CPT1A: variants seen among roughly 807,000 people sequenced by gnomAD.
CPT1A encodes the protein carnitine O-palmitoyltransferase 1, liver isoform.
A neutral mutation model predicts 100.8 loss-of-function variants in CPT1A; 64 were observed. The observed-to-expected ratio is 0.63, with a 90% CI of 0.52 to 0.78. The LOEUF (loss-of-function observed/expected upper bound fraction) is 0.78, where lower values mean the gene tolerates loss of function less well. CPT1A is among the 30% of genes least tolerant of loss of function. The pLI is 0.00. For synonymous variants in CPT1A, 363 were observed against 396.0 expected (o/e 0.92, Z 0.99); for missense variants, 802 against 1,034.1 (o/e 0.78, Z 3.08).
At chr11:68,836,229 G>T (rs768388058) in intron 1 of CPT1A, among the ~76,000 whole-genome samples, 1 of 151,808 alleles carries the variant, frequency 6.6e-6, no homozygotes, top group Non-Finnish European at 1.5e-5. Context: ...GAATCCCAAC[G>T]CTTTGCAAGG....
intron 1 of CPT1A, among the ~76,000 whole-genome samples, chr11:68,833,086 C>T (rs1267662613): frequency 6.6e-6 from 1 of 152,214 alleles, no homozygotes; most frequent in Admixed American, 6.5e-5. Flanking sequence ...CCGGGACTGG[C>T]TCCAGCTCGG....
rs1393155165 is a variant in CPT1A, at chr11:68,780,758, C to A, written c.1353-13G>T. The A allele has an allele frequency of 1.1e-5, 18 of 1,609,718 alleles. No individual in the cohort carries two copies. The highest frequency in any genetic ancestry group is 1.3e-5 in the Non-Finnish European group (15 of 1,175,948). On this transcript the variant is annotated splice_polypyrimidine_tract_variant and intron_variant, in intron 11 of 18. Coordinates refer to ENST00000265641, the MANE Select transcript of CPT1A (RefSeq NM_001876.4). Reference sequence around the variant, plus strand: ...CTTGTCAAACCACCTACGTGAAACACACATGTGTGGAACTTAAGTGTTTAA... The same window carrying A: ...CTTGTCAAACCACCTACGTGAAACAAACATGTGTGGAACTTAAGTGTTTAA...
chr11:68,776,151 C>T (rs1855133010), intron 12 of CPT1A, among the ~76,000 whole-genome samples: 1 of 152,244 alleles, frequency 6.6e-6, no homozygotes. Flanking sequence ...GTAATCCCAG[C>T]ACTTTGGGAG....
intron 4 of CPT1A, among the ~76,000 whole-genome samples, chr11:68,806,354 C>T (rs943011229): frequency 4.0e-5 from 6 of 151,866 alleles, no homozygotes; most frequent in South Asian, 2.1e-4. Context: ...AAATTGAGAC[C>T]GGGTGTGATG....
intron 7 of CPT1A, among the ~76,000 whole-genome samples, chr11:68,795,373 T>G (rs1855728523): frequency 6.6e-6 from 1 of 152,198 alleles, no homozygotes; most frequent in Non-Finnish European, 1.5e-5. Context: ...CTAACCTACA[T>G]TTTGGAAGAG....
At chr11:68,820,015 CGTTT>C (rs36030703) in intron 1 of CPT1A, among the ~76,000 whole-genome samples, 132,436 of 150,280 alleles carry the variant, frequency 0.88, 59,696 homozygotes, top group Non-Finnish European at 0.98. Flanking sequence ...ACAGTTTGCA[CGTTT>C]GTTTGTTTGT....
chr11:68,780,828 G>T, intron 11 of CPT1A, 83 bp from the exon 12 acceptor site: 1 of 1,002,264 alleles, frequency 1.0e-6, no homozygotes, highest in Non-Finnish European at 1.6e-6. Flanking sequence ...CTTCATCCTG[G>T]ATGGACTAAT....
At chr11:68,816,903 GGT>G (rs1566378837) in intron 1 of CPT1A, among the ~76,000 whole-genome samples, 9 of 62,636 alleles carry the variant, frequency 1.4e-4, no homozygotes, top group South Asian at 1.5e-3. Context: ...GGTGTGTGTG[GGT>G]GTGTGTGTGG....
At chr11:68,792,489 C>A (rs1487626996) in intron 9 of CPT1A, among the ~76,000 whole-genome samples, 1 of 152,242 alleles carries the variant, frequency 6.6e-6, no homozygotes, top group Non-Finnish European at 1.5e-5. Flanking sequence ...CATCCACAGG[C>A]ACCTGGGGAA....
At position 68,757,401 on chromosome 11, in the gene CPT1A, G is replaced by C; in HGVS notation, c.*243C>G. 1 of 1,391,356 alleles carries C rather than the reference G, an allele frequency of 7.2e-7. No individual in the cohort carries two copies. Among genetic ancestry groups the C allele is most frequent in the Non-Finnish European group, 9.3e-7 (1 of 1,074,468 alleles). The allele number at this position is 1,391,356 out of a possible 1,614,324, so 86.2% of individuals were successfully genotyped here. ...CCCTTAATAAATCCAAGCCGATGCG[G>C]AGACATCAGGGGAGACTTTATCAGA... is the stretch of plus-strand genomic sequence containing the variant. On this transcript the variant is annotated 3_prime_UTR_variant, in exon 19 of 19. Transcript: ENST00000265641.
intron 3 of CPT1A, among the ~76,000 whole-genome samples, chr11:68,811,948 C>CGG (rs11323138): frequency 2.4e-4 from 36 of 151,980 alleles, no homozygotes; most frequent in South Asian, 1.5e-3. Flanking sequence ...GTAGGAGGGA[C>CGG]GGGGGGGTCC....
At chr11:68,813,227 T>C (rs1480402315) in intron 2 of CPT1A, among the ~76,000 whole-genome samples, 2 of 151,880 alleles carry the variant, frequency 1.3e-5, no homozygotes, top group African/African-American at 2.4e-5. Flanking sequence ...ACCAAGATAA[T>C]GGATTAAAAA....
intron 1 of CPT1A, among the ~76,000 whole-genome samples, chr11:68,828,908 C>CATCTGCTGCTG (rs1856812243): frequency 6.6e-6 from 1 of 152,140 alleles, no homozygotes; most frequent in Non-Finnish European, 1.5e-5. Context: ...TGCCTTGGGC[C>CATCTGCTGCTG]CCTCTGGCTT....
At chr11:68,772,833 T>C (rs577757256) in intron 14 of CPT1A, among the ~76,000 whole-genome samples, 5 of 152,174 alleles carry the variant, frequency 3.3e-5, no homozygotes, top group African/African-American at 1.2e-4. Context: ...GAGCGACAGA[T>C]GAAACGTGGA....
At chr11:68,833,322 C>A (rs1856925912) in intron 1 of CPT1A, among the ~76,000 whole-genome samples, 1 of 152,248 alleles carries the variant, frequency 6.6e-6, no homozygotes, top group Non-Finnish European at 1.5e-5. Flanking sequence ...AGAAAAGCAG[C>A]AGCTCCTCTT....
chr11:68,842,053 G>T, upstream of CPT1A: 9 of 762,246 alleles, frequency 1.2e-5, no homozygotes, highest in Non-Finnish European at 1.4e-5. Context: ...GGGTGCTCGC[G>T]TCCTCGACCT....
chr11:68,782,096 T>C (rs140914690), intron 10 of CPT1A, 137 bp from the exon 11 acceptor site: 15 of 811,830 alleles, frequency 1.8e-5, no homozygotes, highest in African/African-American at 1.7e-4. Context: ...ATGTTCCCCA[T>C]CTGAGACTGT....
chr11:68,800,383 G>A (rs1185925321), intron 5 of CPT1A, among the ~76,000 whole-genome samples: 1 of 151,374 alleles, frequency 6.6e-6, no homozygotes, highest in African/African-American at 2.4e-5. Context: ...GCTCACACCT[G>A]TAATCCCAGC....
chr11:68,818,298 G>A (rs925913402), intron 1 of CPT1A, among the ~76,000 whole-genome samples: 6 of 152,144 alleles, frequency 3.9e-5, no homozygotes. Flanking sequence ...GTACTGACAA[G>A]GGACAGTCTC....
Sources: gnomAD v4.1 joint callset for allele counts (sites outside exome capture counted in the v4.1 genomes callset) on GRCh38, gnomAD v4.1.1 for gene constraint, MANE v1.5 for transcripts, NCBI Gene and HGNC (gene_info 2026-07-23, HGNC 2026-07-21) for gene names.